Variants in SGCD observed in about 807,000 individuals in gnomAD.
SGCD encodes the protein sarcoglycan delta.
SGCD carries 18 observed loss-of-function variants against 36.6 expected under a neutral mutation model. That is an observed-to-expected ratio of 0.49 (90% CI 0.34 to 0.73). The LOEUF (loss-of-function observed/expected upper bound fraction) is 0.73, where lower values mean the gene tolerates loss of function less well. SGCD is among the 30% of genes least tolerant of loss of function. SGCD has a pLI of 0.01. For synonymous variants in SGCD, 133 were observed against 130.6 expected (o/e 1.02, Z -0.12); for missense variants, 387 against 346.7 (o/e 1.12, Z -0.92).
intron 3 of SGCD, among the ~76,000 whole-genome samples, chr5:156,182,441 A>T (rs991063126): frequency 1.3e-5 from 2 of 151,992 alleles, no homozygotes; most frequent in African/African-American, 4.8e-5. Context: ...AAATCCAAAA[A>T]TTATCCAGGC....
chr5:156,508,515 G>C, intron 3 of SGCD, 86 bp from the exon 4 acceptor site: 1 of 714,638 alleles, frequency 1.4e-6, no homozygotes, highest in East Asian at 2.7e-5. Context: ...AAAAAAAAAA[G>C]GCTATAACTA....
chr5:155,747,783 T>A, the SGCD span, among the ~76,000 whole-genome samples: 56 of 152,298 alleles, frequency 3.7e-4, no homozygotes, highest in African/African-American at 1.3e-3. Context: ...TCCTCCCCCC[T>A]TATCTGTCTT....
intron 3 of SGCD, among the ~76,000 whole-genome samples, chr5:156,504,780 G>A (rs1756622822): frequency 6.6e-6 from 1 of 152,198 alleles, no homozygotes; most frequent in South Asian, 2.1e-4. Context: ...TAGTAAGTCA[G>A]TCATCAATAA....
At chr5:156,160,274 C>G (rs1013101710) in intron 3 of SGCD, among the ~76,000 whole-genome samples, 2 of 151,462 alleles carry the variant, frequency 1.3e-5, no homozygotes. Flanking sequence ...TAAGATATAT[C>G]AGCACAAAGA....
intron 3 of SGCD, among the ~76,000 whole-genome samples, chr5:156,398,543 A>G (rs1166779727): frequency 1.3e-5 from 2 of 152,204 alleles, no homozygotes; most frequent in African/African-American, 2.4e-5. Flanking sequence ...ATTCACCAAA[A>G]TAATAGGTGC....
chr5:156,529,466 A>G (rs1344885854), intron 4 of SGCD, among the ~76,000 whole-genome samples: 1 of 149,418 alleles, frequency 6.7e-6, no homozygotes, highest in Non-Finnish European at 1.5e-5. Context: ...TAATATGGTC[A>G]TGTGGTCTTA....
intron 4 of SGCD, among the ~76,000 whole-genome samples, chr5:156,567,766 A>G (rs1759555765): frequency 6.6e-6 from 1 of 152,206 alleles, no homozygotes; most frequent in Admixed American, 6.5e-5. Context: ...AGAATGTAGT[A>G]GACTCCTGCA....
At chr5:155,963,283 A>G (rs12332691) in intron 1 of SGCD, among the ~76,000 whole-genome samples, 3,787 of 152,256 alleles carry the variant, frequency 0.025, 160 homozygotes, top group African/African-American at 0.081. Flanking sequence ...CTGGCAGCAT[A>G]TCTGGAATAA....
At chr5:155,899,893 T>C (rs1318684024) in intron 1 of SGCD, among the ~76,000 whole-genome samples, 1 of 152,212 alleles carries the variant, frequency 6.6e-6, no homozygotes, top group Non-Finnish European at 1.5e-5. Flanking sequence ...AATTATTAAA[T>C]CAGGATTATC....
chr5:156,090,772 A>C (rs1167890203), intron 1 of SGCD, among the ~76,000 whole-genome samples: 1 of 152,098 alleles, frequency 6.6e-6, no homozygotes, highest in Non-Finnish European at 1.5e-5. Flanking sequence ...TCGTTTATAG[A>C]CCTACCCCTG....
the SGCD span, among the ~76,000 whole-genome samples, chr5:155,731,793 C>G: frequency 6.6e-6 from 1 of 152,188 alleles, no homozygotes; most frequent in South Asian, 2.1e-4. Flanking sequence ...CCCTGGGAGC[C>G]TGTTCCAATA....
Position 156,275,454 on chromosome 5 carries a change from A to G in SGCD, c.-43-54080A>G, listed in dbSNP as rs921125606. Among the ~76,000 whole-genome samples, 71 of 152,172 alleles carry G rather than the reference A, an allele frequency of 4.7e-4. 2 individuals carry two copies. Among genetic ancestry groups the G allele is most frequent in the Admixed American group, 6.6e-5 (1 of 15,262 alleles). On this transcript the variant is annotated intron_variant, in intron 3 of 9. Transcript: ENST00000517913. Reference sequence around the variant, plus strand: ...AGAGATGCATGCTTAAAACATAGAAACAACATAAAATAAGTAAATAAAACA... The same window carrying G: ...AGAGATGCATGCTTAAAACATAGAAGCAACATAAAATAAGTAAATAAAACA...
intron 7 of SGCD, among the ~76,000 whole-genome samples, chr5:156,716,735 A>T (rs1318891620): frequency 6.6e-6 from 1 of 152,182 alleles, no homozygotes; most frequent in Non-Finnish European, 1.5e-5. Context: ...CTTCCCATTA[A>T]CCAGCTCCCT....
chr5:156,519,379 TAAC>T (rs1299508738), intron 4 of SGCD, among the ~76,000 whole-genome samples: 2 of 150,788 alleles, frequency 1.3e-5, no homozygotes, highest in African/African-American at 2.4e-5. Context: ...CAAACAAAAA[TAAC>T]AACAACAAAA....
chr5:156,561,977 C>T lies in SGCD; in HGVS notation c.295-27254C>T, dbSNP rs1759283784. On this transcript the variant is annotated intron_variant, in intron 4 of 8. Transcript: ENST00000337851. Reference sequence around the variant, plus strand: ...AGAACTCATGCAGAGCCCTCAGGCACATGTATTGTACAAGGAGGACACTGA... The same window carrying T: ...AGAACTCATGCAGAGCCCTCAGGCATATGTATTGTACAAGGAGGACACTGA... 3.3e-5 allele frequency among the ~76,000 whole-genome samples: 5 copies of T among 152,092 alleles called. No homozygotes were observed. In the South Asian group the frequency reaches 6.2e-4, roughly 19 times the overall value.
At chr5:155,759,855 T>C in the SGCD span, among the ~76,000 whole-genome samples, 3 of 152,194 alleles carry the variant, frequency 2.0e-5, no homozygotes, top group African/African-American at 4.8e-5. Context: ...ATTATCAAAT[T>C]CATTAGGTTG....
At chr5:156,388,958 T>G (rs1431093040) in intron 3 of SGCD, among the ~76,000 whole-genome samples, 2 of 152,142 alleles carry the variant, frequency 1.3e-5, no homozygotes, top group Non-Finnish European at 2.9e-5. Context: ...ATACTGGAAA[T>G]GTTTATTTGA....
the SGCD span, among the ~76,000 whole-genome samples, chr5:155,808,719 A>T: frequency 3.3e-5 from 5 of 152,250 alleles, no homozygotes; most frequent in African/African-American, 1.2e-4. Flanking sequence ...GAACTCTTGA[A>T]CAAGTCAAAC....
chr5:156,511,059 A>G lies in SGCD; in HGVS notation c.294+2357A>G, dbSNP rs1288965837. On this transcript the variant is annotated intron_variant, in intron 4 of 8. Coordinates refer to ENST00000337851, the MANE Select transcript of SGCD (RefSeq NM_000337.6). ...TACTTACGTTTATATTTAATTACTT[A>G]CCTTAATACTGAAATACATGAGCTA... 2.6e-5 allele frequency among the ~76,000 whole-genome samples: 4 copies of G among 152,204 alleles called. No individual in the cohort carries two copies. The East Asian group carries it at 5.8e-4, about 22-fold the overall frequency.
Sources: allele counts gnomAD v4.1 joint callset (sites outside exome capture counted in the v4.1 genomes callset), GRCh38; gene constraint gnomAD v4.1.1; transcripts MANE v1.5; gene names NCBI Gene and HGNC (gene_info 2026-07-23, HGNC 2026-07-21).